EEA1: variants seen among roughly 807,000 people sequenced by gnomAD.
EEA1 encodes the protein early endosome antigen 1.
Under a neutral mutation model 209.2 loss-of-function variants are expected in EEA1, and 111 were observed. The ratio of observed to expected loss-of-function variants is 0.53; its 90% CI spans 0.45 to 0.62. The LOEUF is 0.62. Among genes scored for constraint, EEA1 ranks in the 20% least tolerant of loss-of-function variants. EEA1 has a pLI of 0.00. For synonymous variants in EEA1, 536 were observed against 540.6 expected (o/e 0.99, Z 0.12); for missense variants, 1,343 against 1,530.8 (o/e 0.88, Z 2.05).
intron 13 of EEA1, among the ~76,000 whole-genome samples, chr12:92,820,173 G>A (rs1875978787): frequency 6.6e-6 from 1 of 152,070 alleles, no homozygotes; most frequent in South Asian, 2.1e-4. Context: ...TCTGACACAT[G>A]TTCTAAAAAA....
chr12:92,838,407 A>G (rs1877021001), intron 10 of EEA1, among the ~76,000 whole-genome samples: 1 of 152,186 alleles, frequency 6.6e-6, no homozygotes, highest in Admixed American at 6.5e-5. Flanking sequence ...AGCTTCCAAG[A>G]GATAGAAGGT....
At chr12:92,928,736 T>C (rs2136797199) in intron 1 of EEA1, among the ~76,000 whole-genome samples, 2 of 151,734 alleles carry the variant, frequency 1.3e-5, no homozygotes, top group Admixed American at 6.5e-5. Flanking sequence ...CCACTCAGGG[T>C]TCCCGGGAGG....
intron 18 of EEA1, among the ~76,000 whole-genome samples, chr12:92,806,942 A>ATTTTTTTTTTTTTT (rs34717047): frequency 1.4e-5 from 2 of 147,394 alleles, no homozygotes; most frequent in African/African-American, 5.0e-5. Flanking sequence ...TTTTTTAATA[A>ATTTTTTTTTTTTTT]TTTTTTTTTT....
intron 9 of EEA1, among the ~76,000 whole-genome samples, chr12:92,844,609 C>G (rs1252532130): frequency 6.6e-6 from 1 of 152,022 alleles, no homozygotes; most frequent in Non-Finnish European, 1.5e-5. Context: ...GAGTTTATTT[C>G]AAATTACTAT....
intron 10 of EEA1, among the ~76,000 whole-genome samples, chr12:92,838,182 C>T (rs557875878): frequency 6.6e-6 from 1 of 152,292 alleles, no homozygotes; most frequent in South Asian, 2.1e-4. Flanking sequence ...ATGTATTAAT[C>T]ATAAAATAGC....
intron 1 of EEA1, among the ~76,000 whole-genome samples, chr12:92,912,677 C>G (rs968427536): frequency 4.6e-5 from 7 of 152,124 alleles, no homozygotes; most frequent in Admixed American, 2.0e-4. Context: ...TGTCACTGTA[C>G]AGAATAGGTA....
chr12:92,879,680 C>T (rs1300748991), intron 2 of EEA1, among the ~76,000 whole-genome samples: 2 of 152,010 alleles, frequency 1.3e-5, no homozygotes, highest in Non-Finnish European at 2.9e-5. Flanking sequence ...AATGCTATTC[C>T]CTAAGTTCAC....
At chr12:92,886,986 G>C (rs112795225) in intron 2 of EEA1, among the ~76,000 whole-genome samples, 1 of 118,684 alleles carries the variant, frequency 8.4e-6, no homozygotes, top group Non-Finnish European at 1.7e-5. Context: ...GCAACAGAGC[G>C]GGACTCCATC....
At chr12:92,832,044 G>C (rs1472620699) in intron 11 of EEA1, among the ~76,000 whole-genome samples, 2 of 147,288 alleles carry the variant, frequency 1.4e-5, no homozygotes, top group African/African-American at 5.0e-5. Flanking sequence ...CCGAGATTGC[G>C]CCACTGCAGT....
At chr12:92,786,025 A>G (rs1874116034) in intron 22 of EEA1, among the ~76,000 whole-genome samples, 1 of 152,192 alleles carries the variant, frequency 6.6e-6, no homozygotes, top group African/African-American at 2.4e-5. Context: ...GCTTTGGGTA[A>G]ATGACATCCA....
chr12:92,824,087 C>T (rs1412054165), intron 13 of EEA1, among the ~76,000 whole-genome samples: 2 of 152,206 alleles, frequency 1.3e-5, no homozygotes, highest in African/African-American at 4.8e-5. Flanking sequence ...TCAATGACCT[C>T]CATATTGCCA....
Position 92,772,232 on chromosome 12 carries a change from C to T in EEA1, c.*3779G>A, listed in dbSNP as rs1251495605. On this transcript the variant is annotated 3_prime_UTR_variant, in exon 29 of 29. Transcript: ENST00000322349. ...GTCATCTGGGTATTAAATGCAGACA[C>T]ACAATGAAATAAGGGGTTAATTACA... The T allele has an allele frequency of 6.6e-6, 1 of 151,770 alleles. No individual in the cohort carries two copies. The highest frequency in any genetic ancestry group is 1.9e-4 in the East Asian group (1 of 5,186). 9.4% of individuals were successfully genotyped at this position (151,770 alleles called of 1,614,324 possible). A position where few individuals can be genotyped will look rare whatever the true frequency, so the allele number is the denominator to read the frequency against.
At chr12:92,892,968 G>A (rs1344439461) in intron 1 of EEA1, among the ~76,000 whole-genome samples, 2 of 152,170 alleles carry the variant, frequency 1.3e-5, no homozygotes, top group Non-Finnish European at 1.5e-5. Flanking sequence ...AAACTACAGT[G>A]ATTCAAGTGG....
chr12:92,904,923 T>C (rs76715223), intron 1 of EEA1, among the ~76,000 whole-genome samples: 3,724 of 152,290 alleles, frequency 0.024, 167 homozygotes, highest in African/African-American at 0.084. Flanking sequence ...TATGTAAGCA[T>C]GATTGACTAA....
chr12:92,819,266 C>G, intron 14 of EEA1, 42 bp downstream of exon 14: 1 of 1,469,654 alleles, frequency 6.8e-7, no homozygotes, highest in Non-Finnish European at 9.2e-7. Flanking sequence ...CTTAGAGAGA[C>G]AGAAGTAAAT....
At chr12:92,861,327 T>C (rs1362378503) in intron 3 of EEA1, among the ~76,000 whole-genome samples, 2 of 152,140 alleles carry the variant, frequency 1.3e-5, no homozygotes, top group East Asian at 1.9e-4. Flanking sequence ...TGGTGGCGCA[T>C]GCCTGTATTC....
intron 10 of EEA1, among the ~76,000 whole-genome samples, chr12:92,842,080 C>A (rs1288667318): frequency 6.6e-6 from 1 of 152,084 alleles, no homozygotes; most frequent in Non-Finnish European, 1.5e-5. Flanking sequence ...CACTATAAGT[C>A]AGTCACAAAA....
intron 21 of EEA1, among the ~76,000 whole-genome samples, chr12:92,788,258 A>T (rs376995815): frequency 6.6e-6 from 1 of 151,662 alleles, no homozygotes; most frequent in Non-Finnish European, 1.5e-5. Context: ...ATAAAATACA[A>T]AAGTAATTAA....
At chr12:92,857,979 C>T (rs557171867) in intron 3 of EEA1, 29 of 305,892 alleles carry the variant, frequency 9.5e-5, no homozygotes, top group African/African-American at 4.1e-4. Context: ...CCTGATACTG[C>T]GCACTGAGTA....
Sources: gnomAD v4.1 joint callset for allele counts (sites outside exome capture counted in the v4.1 genomes callset) on GRCh38, gnomAD v4.1.1 for gene constraint, MANE v1.5 for transcripts, NCBI Gene and HGNC (gene_info 2026-07-23, HGNC 2026-07-21) for gene names.